Variants in USP4 observed in about 807,000 individuals in gnomAD.
USP4 encodes the protein ubiquitin specific peptidase 4, also known as ubiquitin carboxyl-terminal hydrolase 4.
A neutral mutation model predicts 118.2 loss-of-function variants in USP4; 72 were observed. The observed-to-expected ratio is 0.61, with a 90% confidence interval of 0.50 to 0.74. The LOEUF is 0.74. Ranked by LOEUF, USP4 falls within the 30% of genes least tolerant of loss-of-function variation. The pLI is 0.00. For missense variants in USP4, 1,037 were observed against 1,185.7 expected (o/e 0.87, Z 1.84); for synonymous variants, 415 against 440.4 (o/e 0.94, Z 0.72).
chr3:49,298,984 C>T (rs1450268727), intron 11 of USP4, among the ~76,000 whole-genome samples: 1 of 152,140 alleles, frequency 6.6e-6, no homozygotes, highest in African/African-American at 2.4e-5. Flanking sequence ...TTTGTAGAGA[C>T]AGGGTCTCAA....
chr3:49,285,858 G>A (rs377448707), intron 16 of USP4, among the ~76,000 whole-genome samples: 3 of 152,348 alleles, frequency 2.0e-5, no homozygotes, highest in Admixed American at 1.3e-4. Flanking sequence ...AATTCCCGCA[G>A]AGGGAGTGGA....
chr3:49,335,175 T>C (rs759649216), intron 2 of USP4, among the ~76,000 whole-genome samples: 4 of 152,214 alleles, frequency 2.6e-5, no homozygotes, highest in Admixed American at 2.6e-4. Flanking sequence ...ATCCTATTTC[T>C]TTCCATTCCA....
chr3:49,294,712 G>C (rs997235607), intron 13 of USP4, 114 bp from the exon 14 acceptor site: 33 of 1,014,864 alleles, frequency 3.3e-5, no homozygotes, highest in Non-Finnish European at 2.0e-5. Flanking sequence ...GAGCATATTT[G>C]AGTAGAAAAG....
At chr3:49,318,671 C>T (rs1367668166) in intron 6 of USP4, 9 of 957,528 alleles carry the variant, frequency 9.4e-6, no homozygotes, top group Non-Finnish European at 9.9e-6. Context: ...CACTCTGGGA[C>T]GCCAAGGCGG....
intron 6 of USP4, among the ~76,000 whole-genome samples, chr3:49,314,592 C>G (rs1396687790): frequency 6.6e-6 from 1 of 152,206 alleles, no homozygotes; most frequent in African/African-American, 2.4e-5. Context: ...ATGGCAGACT[C>G]AGTCATCTCA....
At chr3:49,295,734 ACC>A (rs747726644) in intron 13 of USP4, among the ~76,000 whole-genome samples, 7,910 of 149,426 alleles carry the variant, frequency 0.053, 676 homozygotes, top group African/African-American at 0.18. Flanking sequence ...ACACACACAC[ACC>A]CCCCCCTCCC....
At chr3:49,283,837 G>T in intron 19 of USP4, 150 bp downstream of exon 19, 1 of 846,042 alleles carries the variant, frequency 1.2e-6, no homozygotes, top group Non-Finnish European at 1.8e-6. Context: ...GGACAGAAGG[G>T]GTAACTACAG....
intron 21 of USP4, 129 bp from the exon 22 acceptor site, chr3:49,278,580 G>A (rs1055168154): frequency 2.6e-5 from 31 of 1,171,786 alleles, no homozygotes; most frequent in East Asian, 2.4e-4. Flanking sequence ...TTCCACCTGA[G>A]GATGGCTGCC....
intron 14 of USP4, among the ~76,000 whole-genome samples, chr3:49,293,854 C>T (rs1456375998): frequency 5.9e-5 from 9 of 152,082 alleles, no homozygotes; most frequent in African/African-American, 1.2e-4. Flanking sequence ...GCCATCAAAG[C>T]GCTAGCCTCC....
At chr3:49,299,274 C>T (rs1190275612) in intron 11 of USP4, among the ~76,000 whole-genome samples, 1 of 150,606 alleles carries the variant, frequency 6.6e-6, no homozygotes, top group Non-Finnish European at 1.5e-5. Flanking sequence ...ATTTTTAGTA[C>T]AGACAGGGTT....
intron 6 of USP4, among the ~76,000 whole-genome samples, chr3:49,315,538 T>C (rs771403622): frequency 1.3e-4 from 20 of 152,162 alleles, no homozygotes; most frequent in Non-Finnish European, 2.9e-4. Flanking sequence ...ATCTCAGGCA[T>C]ATATATTAGG....
In USP4 at chr3:49,286,196, G is replaced by C; in HGVS notation, c.2102C>G (p.Pro701Arg). 1.2e-6 allele frequency: 2 copies of C among 1,614,068 alleles called. No homozygotes were observed. Among genetic ancestry groups the C allele is most frequent in the Non-Finnish European group, 1.7e-6 (2 of 1,180,008 alleles). Residue 701 changes from proline to arginine, a missense_variant, in exon 16 of 22, where the codon CCC becomes CGC. Pro to Arg is a moderately radical substitution (Grantham distance 103). Around this residue, in one of 3 missense-constraint regions of USP4, gnomAD observed 522 missense variants for 592.6 expected, o/e 0.88. Transcript: ENST00000265560. Reference sequence around the variant, plus strand: ...GAAGGTAAAAAGCCTTTTTGGGCAGGGCTGGCCTTTGATCTTCTTTTGGGT... The same window carrying C: ...GAAGGTAAAAAGCCTTTTTGGGCAGCGCTGGCCTTTGATCTTCTTTTGGGT... ...ETTQKKIKGQ[P>R]CPKRLFTFSL...
Position 49,310,670 on chromosome 3 carries a change from A to T in USP4, c.904T>A (p.Cys302Ser), listed in dbSNP as rs1559473343. The change falls in exon 8 of 22, where the codon TGT becomes AGT. Residue 302 changes from cysteine to serine, a missense_variant. Physicochemically the swap from Cys to Ser is moderately radical, Grantham distance 112. Coordinates refer to ENST00000265560, the MANE Select transcript of USP4 (RefSeq NM_003363.4). ...PPSSHIQPGLCGLGNLGNTCF... is the reference protein window; with the variant it reads ...PPSSHIQPGLSGLGNLGNTCF... The stretch of plus-strand genomic sequence containing the variant: ...GTGTTTCCCAGGTTTCCAAGTCCAC[A>T]GAGCCCAGGTTGTATATGAGAGGAT... 4.3e-6 allele frequency: 7 copies of T among 1,614,078 alleles called. No homozygotes were observed. The South Asian group carries it at 7.7e-5, about 18-fold the overall frequency.
At chr3:49,293,193 A>G (rs571563136) in intron 14 of USP4, among the ~76,000 whole-genome samples, 3 of 152,216 alleles carry the variant, frequency 2.0e-5, no homozygotes, top group Admixed American at 1.3e-4. Context: ...TCTGGCCAAC[A>G]TGGTGAAACC....
At chr3:49,339,489 G>A (rs2047712125) in intron 1 of USP4, among the ~76,000 whole-genome samples, 1 of 152,218 alleles carries the variant, frequency 6.6e-6, no homozygotes, top group Non-Finnish European at 1.5e-5. Flanking sequence ...CAGTTTACAA[G>A]TTACAAAGTA....
intron 3 of USP4, 103 bp from the exon 4 acceptor site, chr3:49,325,948 T>A: frequency 7.1e-7 from 1 of 1,414,692 alleles, no homozygotes. Flanking sequence ...CTCATGATAA[T>A]CCATTTCCTT....
Position 49,339,911 on chromosome 3 carries a change from GC to G in USP4, c.101+12del, listed in dbSNP as rs2047720249. The stretch of plus-strand genomic sequence containing the variant: ...CTGGTTCTGCATAGAGGAAGAGCGA[GC>G]CGGGAGCTCACCACTGCGCCCCGCG... On this transcript the variant is annotated intron_variant, in intron 1 of 21. Coordinates refer to ENST00000265560, the MANE Select transcript of USP4 (RefSeq NM_003363.4). 6.2e-7 allele frequency: 1 copy of G among 1,609,742 alleles called. No individual in the cohort carries two copies. The highest frequency in any genetic ancestry group is 8.5e-7 in the Non-Finnish European group (1 of 1,177,532).
At chr3:49,298,266 C>A (rs2047229248) in intron 12 of USP4, among the ~76,000 whole-genome samples, 2 of 152,200 alleles carry the variant, frequency 1.3e-5, no homozygotes, top group Admixed American at 1.3e-4. Context: ...AGTCTGCAGT[C>A]TCTATGCCAC....
At chr3:49,293,969 C>A (rs1248746263) in intron 14 of USP4, among the ~76,000 whole-genome samples, 1 of 149,712 alleles carries the variant, frequency 6.7e-6, no homozygotes, top group African/African-American at 2.5e-5. Flanking sequence ...GGGGCTGGCA[C>A]AAGTGCATTT....
Sources: allele counts gnomAD v4.1 joint callset (sites outside exome capture counted in the v4.1 genomes callset), GRCh38; gene constraint gnomAD v4.1.1; regional missense constraint gnomAD v4.1.1; transcripts MANE v1.5; gene names NCBI Gene and HGNC (gene_info 2026-07-23, HGNC 2026-07-21).